The following TRAPPC9 variants were observed in gnomAD, a reference collection of about 807,000 sequenced individuals.
The protein encoded by TRAPPC9 is IKK2 binding protein.
Under a neutral mutation model 124.0 loss-of-function variants are expected in TRAPPC9, and 83 were observed. That is an observed-to-expected ratio of 0.67 (90% CI 0.56 to 0.80). TRAPPC9 has a LOEUF of 0.80. TRAPPC9 is among the 30% of genes least tolerant of loss of function. The pLI, the probability that TRAPPC9 is intolerant of heterozygous loss-of-function variation, is 0.00. For synonymous variants in TRAPPC9, 638 were observed against 617.5 expected (o/e 1.03, Z -0.49); for missense variants, 1,302 against 1,508.3 (o/e 0.86, Z 2.27).
At chr8:140,456,541 T>A (rs2071672474) in intron 1 of TRAPPC9, among the ~76,000 whole-genome samples, 1 of 152,152 alleles carries the variant, frequency 6.6e-6, no homozygotes, top group African/African-American at 2.4e-5. Flanking sequence ...ATTGTTTACA[T>A]GTTTCCGGAC....
At chr8:140,200,044 G>C (rs75786198) in intron 17 of TRAPPC9, among the ~76,000 whole-genome samples, 18,296 of 152,226 alleles carry the variant, frequency 0.12, 1,325 homozygotes, top group Middle Eastern at 0.19. Flanking sequence ...AGCTCTGAAA[G>C]TGCTTTACAT....
Position 140,056,410 on chromosome 8 carries a change from T to TA in TRAPPC9, c.2557-32332dup, listed in dbSNP as rs148382657. 8.1e-3 allele frequency among the ~76,000 whole-genome samples: 1,154 copies of TA among 143,026 alleles called. 12 individuals carry two copies. The highest frequency in any genetic ancestry group is 0.025 in the African/African-American group (988 of 39,068). 93.8% of individuals were successfully genotyped at this position (143,026 alleles called of 152,430 possible). On this transcript the variant is annotated intron_variant, in intron 17 of 22. Coordinates refer to ENST00000438773, the MANE Select transcript of TRAPPC9 (RefSeq NM_001160372.4). ...AGGCAACAGAGTAAGATCCTGTCTC[T>TA]AAAAAAAAAACAAAAAACAAGTAAC...
chr8:139,950,745 C>T (rs573418889), intron 19 of TRAPPC9, among the ~76,000 whole-genome samples: 2 of 152,308 alleles, frequency 1.3e-5, no homozygotes, highest in Non-Finnish European at 2.9e-5. Flanking sequence ...ACAACTTAAA[C>T]ACTGGTGAAA....
rs2063209572 is a variant in TRAPPC9, at chr8:140,216,857, T to C, written c.2556+4602A>G. Reference sequence around the variant, plus strand: ...GCCATAGCAACGAGGATCACCTGTATTCTAACCACTTTTTCTTGTTTTATT... The same window carrying C: ...GCCATAGCAACGAGGATCACCTGTACTCTAACCACTTTTTCTTGTTTTATT... On this transcript the variant is annotated intron_variant, in intron 17 of 22. Coordinates refer to ENST00000438773, the MANE Select transcript of TRAPPC9 (RefSeq NM_001160372.4). The surrounding 1 kb of genome is among the most constrained non-coding windows in gnomAD (Gnocchi z 4.1). Among the ~76,000 whole-genome samples, 1 of 152,216 alleles carries C rather than the reference T, an allele frequency of 6.6e-6. No homozygotes were observed. Among genetic ancestry groups the C allele is most frequent in the Non-Finnish European group, 1.5e-5 (1 of 68,038 alleles).
chr8:140,170,892 C>T (rs1182845360), intron 17 of TRAPPC9, among the ~76,000 whole-genome samples: 1 of 152,196 alleles, frequency 6.6e-6, no homozygotes, highest in Non-Finnish European at 1.5e-5. Flanking sequence ...CCAAGAACCT[C>T]GGGCAGGTGA....
chr8:140,115,926 G>A (rs758371203), intron 17 of TRAPPC9, among the ~76,000 whole-genome samples: 2 of 152,216 alleles, frequency 1.3e-5, no homozygotes, highest in African/African-American at 4.8e-5. Context: ...AGACCACCTG[G>A]CGCACAACAG....
intron 17 of TRAPPC9, among the ~76,000 whole-genome samples, chr8:140,157,313 C>G (rs2061669495): frequency 2.7e-5 from 2 of 75,184 alleles, no homozygotes; most frequent in Admixed American, 2.6e-4. Context: ...CAAAAGCCTC[C>G]CTTTTCCATT....
intron 19 of TRAPPC9, among the ~76,000 whole-genome samples, chr8:139,978,156 G>A (rs1209770468): frequency 1.3e-5 from 2 of 152,222 alleles, no homozygotes; most frequent in Non-Finnish European, 2.9e-5. Context: ...GGGATGACAG[G>A]TGTGAGCCAC....
At chr8:139,979,558 C>G (rs1234271858) in intron 19 of TRAPPC9, among the ~76,000 whole-genome samples, 3 of 152,192 alleles carry the variant, frequency 2.0e-5, no homozygotes, top group African/African-American at 7.2e-5. Context: ...AGTCAGGATG[C>G]TGGCGGGTGA....
At chr8:139,919,435 C>T (rs1817137805) in intron 19 of TRAPPC9, among the ~76,000 whole-genome samples, 1 of 152,088 alleles carries the variant, frequency 6.6e-6, no homozygotes, top group African/African-American at 2.4e-5. Flanking sequence ...GGTTGCACAA[C>T]TCTGTGAATA....
intron 17 of TRAPPC9, among the ~76,000 whole-genome samples, chr8:140,053,308 G>A (rs1170568544): frequency 1.3e-5 from 2 of 152,228 alleles, no homozygotes; most frequent in Admixed American, 6.5e-5. Context: ...GCACCAGGAT[G>A]AGGCTGACCC....
In TRAPPC9 at chr8:140,000,654, G is replaced by T. The variant is rs1838331297; in HGVS notation, c.2700-11818C>A. On this transcript the variant is annotated intron_variant, in intron 18 of 22. Coordinates refer to ENST00000438773, the MANE Select transcript of TRAPPC9 (RefSeq NM_001160372.4). ...AAATGCTCACCATCACTGGTCATCAGAGAAATGCAAATCAAAACCACAATG... is the reference window on the plus strand; with the variant it reads ...AAATGCTCACCATCACTGGTCATCATAGAAATGCAAATCAAAACCACAATG... Among the ~76,000 whole-genome samples, 3 of 152,332 alleles carry T rather than the reference G, an allele frequency of 2.0e-5. No homozygotes were observed. The Middle Eastern group carries it at 0.01, about 518-fold the overall frequency.
At chr8:140,096,233 G>C (rs956933628) in intron 17 of TRAPPC9, 2 of 152,248 alleles carry the variant, frequency 1.3e-5, no homozygotes, top group African/African-American at 4.8e-5. Flanking sequence ...GCTGAGTGTC[G>C]GAGGGAGGAG....
chr8:139,800,063 A>C (rs752013286), intron 21 of TRAPPC9, among the ~76,000 whole-genome samples: 5 of 152,230 alleles, frequency 3.3e-5, no homozygotes, highest in African/African-American at 7.2e-5. Context: ...AGATGCCACA[A>C]AACACCTACG....
intron 15 of TRAPPC9, among the ~76,000 whole-genome samples, chr8:140,272,384 A>ATGG (rs2064968548): frequency 8.0e-6 from 1 of 125,046 alleles, no homozygotes; most frequent in African/African-American, 2.8e-5. Flanking sequence ...GGTGGTGATG[A>ATGG]TGGTGATGGT....
intron 17 of TRAPPC9, among the ~76,000 whole-genome samples, chr8:140,140,393 A>T (rs1280820312): frequency 1.3e-5 from 2 of 151,410 alleles, no homozygotes. Flanking sequence ...CTGTTTTCCT[A>T]CTGGTGTTGT....
chr8:140,005,719 G>A (rs1409765487), intron 18 of TRAPPC9, among the ~76,000 whole-genome samples: 5 of 152,070 alleles, frequency 3.3e-5, no homozygotes, highest in African/African-American at 1.2e-4. Flanking sequence ...ACCTACAGAT[G>A]ATGGGACTCA....
At position 140,241,215 on chromosome 8, in the gene TRAPPC9, A is replaced by G. The variant is rs1295088981; in HGVS notation, c.2431+11562T>C. On this transcript the variant is annotated intron_variant, in intron 16 of 22. Coordinates refer to ENST00000438773, the MANE Select transcript of TRAPPC9 (RefSeq NM_001160372.4). The surrounding 1 kb of genome is among the most constrained non-coding windows in gnomAD (Gnocchi z 5.0). ...GGAGTTTGAGACCAGCCTGTCCAAC[A>G]TGATGAAACCCTGTCTCTACTAAAA... 1.3e-5 allele frequency among the ~76,000 whole-genome samples: 2 copies of G among 152,338 alleles called. No individual in the cohort carries two copies. Among genetic ancestry groups the G allele is most frequent in the East Asian group, 3.9e-4 (2 of 5,190 alleles).
chr8:140,421,955 G>A (rs1380514973), intron 5 of TRAPPC9, among the ~76,000 whole-genome samples: 1 of 131,460 alleles, frequency 7.6e-6, no homozygotes, highest in Admixed American at 8.4e-5. Context: ...AACTCTGCAA[G>A]GTGAATGAAG....
Sources: allele counts gnomAD v4.1 joint callset (sites outside exome capture counted in the v4.1 genomes callset), GRCh38; gene constraint gnomAD v4.1.1; non-coding constraint Gnocchi (gnomAD v3.1); transcripts MANE v1.5; gene names NCBI Gene and HGNC (gene_info 2026-07-23, HGNC 2026-07-21).